The following FGF13 variants were observed in gnomAD, a reference collection of about 807,000 sequenced individuals.
FGF13 encodes fibroblast growth factor 13.
A neutral mutation model predicts 19.5 loss-of-function variants in FGF13; 2 were observed. That is an observed-to-expected ratio of 0.10 (90% CI 0.04 to 0.32). FGF13 has a LOEUF of 0.32. Among genes scored for constraint, FGF13 ranks in the 10% least tolerant of loss-of-function variants. The pLI is 1.00. For missense variants in FGF13, 113 were observed against 192.7 expected, an observed-to-expected ratio of 0.59 and a Z score of 2.45; for synonymous variants, 72 against 76.9, an observed-to-expected ratio of 0.94 and a Z score of 0.33.
At chrX:139,106,522 G>A (rs938476518) in intron 1 of FGF13, among the ~76,000 whole-genome samples, 4 of 111,771 alleles carry the variant, frequency 3.6e-5, no homozygotes, top group African/African-American at 1.3e-4. Flanking sequence ...TTTAGTGCTG[G>A]ATAGAGTACC....
intron 1 of FGF13, among the ~76,000 whole-genome samples, chrX:138,921,703 C>A (rs924131025): frequency 1.8e-5 from 2 of 111,158 alleles, no homozygotes; most frequent in African/African-American, 6.5e-5. Context: ...TGCTATCCTG[C>A]ACAGAGGCGT....
intron 3 of FGF13, among the ~76,000 whole-genome samples, chrX:138,640,375 G>T (rs2089236303): frequency 8.9e-6 from 1 of 112,170 alleles, no homozygotes; most frequent in Admixed American, 9.4e-5. Flanking sequence ...AGACCCAAAG[G>T]TGTGCCAGAA....
At chrX:138,893,380 C>T (rs1467518094) in intron 1 of FGF13, among the ~76,000 whole-genome samples, 1 of 111,480 alleles carries the variant, frequency 9.0e-6, no homozygotes, top group African/African-American at 3.3e-5. Flanking sequence ...TTACAAGGTG[C>T]CCTCACGTTT....
At chrX:138,738,367 A>C (rs2124299919) in intron 1 of FGF13, among the ~76,000 whole-genome samples, 1 of 112,300 alleles carries the variant, frequency 8.9e-6, no homozygotes, top group East Asian at 2.8e-4. Flanking sequence ...TTTCAATGAA[A>C]GTGTTTGCTT....
intron 3 of FGF13, among the ~76,000 whole-genome samples, chrX:138,681,899 G>A (rs1025297435): frequency 9.0e-6 from 1 of 111,482 alleles, no homozygotes; most frequent in African/African-American, 3.3e-5. Flanking sequence ...ATGATCTGTG[G>A]TGCCCCAAAA....
chrX:139,122,433 C>G (rs1017928339), intron 1 of FGF13, among the ~76,000 whole-genome samples: 3 of 111,445 alleles, frequency 2.7e-5, no homozygotes, highest in African/African-American at 9.8e-5. Context: ...TTCATCTCTA[C>G]CACTCCACTG....
At position 139,173,564 on chromosome X, in the gene FGF13, CCT is replaced by C. The variant is rs765231926; in HGVS notation, c.-113+29850_-113+29851del. On this transcript the variant is annotated intron_variant, in intron 1 of 2. Transcript: ENST00000421460. ...CTATCCGTCCCCTAGTCCCCCATCC[CCT>C]GACAGGCCCCAGTGTGTGATGTTAC... Among the ~76,000 whole-genome samples, 8 of 110,211 alleles carry C rather than the reference CCT, an allele frequency of 7.3e-5. No homozygotes were observed. The South Asian group carries it at 3.2e-3, about 44-fold the overall frequency.
chrX:138,867,244 CA>C (rs962479351), intron 1 of FGF13, among the ~76,000 whole-genome samples: 13 of 110,081 alleles, frequency 1.2e-4, no homozygotes, highest in Middle Eastern at 4.6e-3. Flanking sequence ...CACATCTCTA[CA>C]AAAAAAATTT....
intron 1 of FGF13, among the ~76,000 whole-genome samples, chrX:138,915,423 T>G (rs2124233611): frequency 8.9e-6 from 1 of 112,121 alleles, no homozygotes. Context: ...TGAAGGAGCA[T>G]GCATTCTTGT....
At chrX:138,657,355 A>G (rs920665562) in intron 3 of FGF13, among the ~76,000 whole-genome samples, 29 of 111,714 alleles carry the variant, frequency 2.6e-4, no homozygotes, top group African/African-American at 9.4e-4. Context: ...TTATTAAAAT[A>G]ACATTAATCA....
intron 1 of FGF13, among the ~76,000 whole-genome samples, chrX:139,094,994 T>C (rs940295333): frequency 8.9e-6 from 1 of 112,514 alleles, no homozygotes; most frequent in African/African-American, 3.2e-5. Context: ...AAAGTACAAA[T>C]TGCCCCCAAA....
intron 1 of FGF13, among the ~76,000 whole-genome samples, chrX:139,187,217 A>G (rs1366713779): frequency 8.9e-6 from 1 of 112,972 alleles, no homozygotes; most frequent in African/African-American, 3.2e-5. Context: ...ACTTTCATGC[A>G]ACTGCTGGAG....
At chrX:139,167,012 C>T (rs779596522) in intron 1 of FGF13, among the ~76,000 whole-genome samples, 18 of 111,815 alleles carry the variant, frequency 1.6e-4, no homozygotes, top group Non-Finnish European at 3.2e-4. Context: ...CTCTTTTATG[C>T]TTCTGTGCCT....
chrX:138,756,373 G>A (rs193056148), intron 3 of FGF13, among the ~76,000 whole-genome samples: 297 of 112,479 alleles, frequency 2.6e-3, no homozygotes, highest in African/African-American at 8.1e-3. Context: ...TGGGAACTGC[G>A]GTGGGGGTGG....
intron 3 of FGF13, among the ~76,000 whole-genome samples, chrX:138,794,187 T>A (rs1180498061): frequency 8.9e-6 from 1 of 112,127 alleles, no homozygotes; most frequent in East Asian, 2.8e-4. Flanking sequence ...GGTAATTGTT[T>A]CTCAGATCTT....
chrX:138,633,049 C>T, intron 4 of FGF13, 63 bp from the exon 5 acceptor site: 1 of 1,132,669 alleles, frequency 8.8e-7, no homozygotes. Context: ...GTGAAAATTT[C>T]TAAGAATAGT....
At chrX:138,979,530 T>C (rs1425809915) in intron 1 of FGF13, among the ~76,000 whole-genome samples, 1 of 110,581 alleles carries the variant, frequency 9.0e-6, no homozygotes, top group Admixed American at 9.7e-5. Flanking sequence ...ATTTGTATAT[T>C]CCTTTTTTTT....
At chrX:138,972,175 A>C (rs998567118) in intron 1 of FGF13, among the ~76,000 whole-genome samples, 1 of 108,632 alleles carries the variant, frequency 9.2e-6, no homozygotes, top group African/African-American at 3.4e-5. Context: ...ATGGGAGTGC[A>C]GATATCTCTT....
intron 3 of FGF13, among the ~76,000 whole-genome samples, chrX:138,768,498 T>A (rs2090517955): frequency 9.1e-6 from 1 of 109,550 alleles, no homozygotes; most frequent in South Asian, 3.9e-4. Context: ...GTGAGTTCAG[T>A]TTGTAAATAT....
Sources: gnomAD v4.1 joint callset for allele counts (sites outside exome capture counted in the v4.1 genomes callset) on GRCh38, gnomAD v4.1.1 for gene constraint, MANE v1.5 for transcripts, NCBI Gene and HGNC (gene_info 2026-07-23, HGNC 2026-07-21) for gene names.